Variants in KAZN observed in about 807,000 individuals in gnomAD.
The protein encoded by KAZN is kazrin.
KAZN carries 40 observed loss-of-function variants against 87.4 expected under a neutral mutation model. The observed-to-expected ratio is 0.46, with a 90% CI of 0.36 to 0.60. The LOEUF (loss-of-function observed/expected upper bound fraction) is 0.60. Ranked by LOEUF, KAZN falls within the 20% of genes least tolerant of loss-of-function variation. The pLI, the probability that KAZN is intolerant of heterozygous loss-of-function variation, is 0.00. For missense variants in KAZN, 898 were observed against 1,073.9 expected, an observed-to-expected ratio of 0.84 and a Z score of 2.29; for synonymous variants, 466 against 458.3, an observed-to-expected ratio of 1.02 and a Z score of -0.22.
At chr1:14,693,641 T>C (rs900029657) in intron 1 of KAZN, among the ~76,000 whole-genome samples, 1 of 152,028 alleles carries the variant, frequency 6.6e-6, no homozygotes, top group African/African-American at 2.4e-5. Flanking sequence ...GTGGGATGAG[T>C]GTGTGTTGTG....
chr1:14,304,358 G>A (rs1654771833), intron 2 of KAZN, among the ~76,000 whole-genome samples: 2 of 152,124 alleles, frequency 1.3e-5, no homozygotes, highest in Admixed American at 1.3e-4. Flanking sequence ...CTAAGGACCT[G>A]GTCAGGACCT....
At chr1:14,040,307 G>C (rs1386595044) in intron 1 of KAZN, among the ~76,000 whole-genome samples, 1 of 152,106 alleles carries the variant, frequency 6.6e-6, no homozygotes, top group Non-Finnish European at 1.5e-5. Context: ...GGGAGAAAAG[G>C]CCAGGCTGAA....
At chr1:14,255,119 CAAAAAA>C (rs71570191) in intron 2 of KAZN, among the ~76,000 whole-genome samples, 9 of 83,782 alleles carry the variant, frequency 1.1e-4, no homozygotes, top group South Asian at 4.8e-4. Flanking sequence ...GACTCTGTCT[CAAAAAA>C]AAAAAAAAAA....
At chr1:14,112,942 G>T (rs1044967817) in intron 1 of KAZN, among the ~76,000 whole-genome samples, 1 of 152,212 alleles carries the variant, frequency 6.6e-6, no homozygotes, top group Non-Finnish European at 1.5e-5. Flanking sequence ...CGGAAGAAAG[G>T]CAGTCTTGCC....
intron 2 of KAZN, among the ~76,000 whole-genome samples, chr1:14,356,668 T>C (rs1414999144): frequency 2.0e-5 from 3 of 152,172 alleles, no homozygotes. Flanking sequence ...CCCAACACCA[T>C]TTATTAAATA....
At chr1:14,259,526 C>T (rs544539753) in intron 2 of KAZN, among the ~76,000 whole-genome samples, 2 of 152,186 alleles carry the variant, frequency 1.3e-5, no homozygotes, top group East Asian at 1.9e-4. Context: ...AGCCTCACCC[C>T]CCAAGTGGCC....
intron 1 of KAZN, among the ~76,000 whole-genome samples, chr1:13,970,398 AT>A (rs1435008639): frequency 6.6e-6 from 1 of 152,166 alleles, no homozygotes. Context: ...TATTATTCTC[AT>A]TTTACAGGTG....
intron 2 of KAZN, among the ~76,000 whole-genome samples, chr1:14,305,430 G>T (rs573751515): frequency 2.0e-5 from 3 of 152,208 alleles, no homozygotes; most frequent in Non-Finnish European, 1.5e-5. Context: ...TTGCAAAGAG[G>T]TCTGTGACCC....
intron 1 of KAZN, among the ~76,000 whole-genome samples, chr1:14,738,578 G>A (rs932696307): frequency 6.6e-6 from 1 of 152,090 alleles, no homozygotes; most frequent in Non-Finnish European, 1.5e-5. Flanking sequence ...TCTGACCACC[G>A]GAGTTGATTG....
chr1:14,430,126 C>T (rs776059282), intron 2 of KAZN, among the ~76,000 whole-genome samples: 113 of 147,830 alleles, frequency 7.6e-4, no homozygotes, highest in Non-Finnish European at 1.6e-3. Context: ...AGAATGTGCT[C>T]AAATGTCATC....
At chr1:14,822,745 C>A (rs149678957) in intron 1 of KAZN, among the ~76,000 whole-genome samples, 10 of 152,312 alleles carry the variant, frequency 6.6e-5, no homozygotes, top group Admixed American at 2.0e-4. Context: ...TGGTCTATCC[C>A]GTCTTTCCTT....
rs114679018 is a variant in KAZN at position 14,049,657 on chromosome 1, C to T, written c.92-130778C>T. ...TTCCTTCCTTTTTTGTTCCCTTTTC[C>T]CTCCTTTTCTCCCTCTTTTCCTCTC... is the stretch of plus-strand genomic sequence containing the variant. On this transcript the variant is annotated intron_variant, in intron 1 of 16. Coordinates refer to the KAZN transcript ENST00000636203. Among the ~76,000 whole-genome samples the T allele has an allele frequency of 4.7e-3, 710 of 152,236 alleles. 4 individuals carry two copies. The highest frequency in any genetic ancestry group is 0.016 in the African/African-American group (676 of 41,528).
intron 2 of KAZN, among the ~76,000 whole-genome samples, chr1:14,555,707 A>G (rs1673821055): frequency 6.6e-6 from 1 of 152,200 alleles, no homozygotes; most frequent in Admixed American, 6.5e-5. Flanking sequence ...CTCAGCTGTA[A>G]GATACAGGAT....
chr1:14,149,747 T>A (rs1645433967), intron 1 of KAZN, among the ~76,000 whole-genome samples: 1 of 152,228 alleles, frequency 6.6e-6, no homozygotes, highest in South Asian at 2.1e-4. Flanking sequence ...TAAATAAGTA[T>A]GAGTCCATCG....
At chr1:14,233,757 G>A (rs1188420106) in intron 2 of KAZN, among the ~76,000 whole-genome samples, 8 of 152,164 alleles carry the variant, frequency 5.3e-5, no homozygotes, top group African/African-American at 1.9e-4. Context: ...TTTGTATGCA[G>A]AGCCCTTCCC....
At chr1:14,497,169 G>A (rs776060696) in intron 2 of KAZN, among the ~76,000 whole-genome samples, 3 of 151,958 alleles carry the variant, frequency 2.0e-5, no homozygotes, top group Non-Finnish European at 4.4e-5. Flanking sequence ...CTCTGATAGC[G>A]ATAAAACACC....
intron 2 of KAZN, among the ~76,000 whole-genome samples, chr1:14,538,912 C>A (rs1338268763): frequency 2.0e-5 from 3 of 152,174 alleles, no homozygotes; most frequent in African/African-American, 7.2e-5. Context: ...GTCCTGGGTG[C>A]CCCTTGCTGG....
chr1:15,060,024 G>A, intron 5 of KAZN, 148 bp from the exon 6 acceptor site: 1 of 988,412 alleles, frequency 1.0e-6, no homozygotes, highest in South Asian at 1.7e-5. Context: ...TGGAGTAGGG[G>A]GTTGGAGAAC....
chr1:14,607,490 T>G (rs530277672), intron 1 of KAZN, among the ~76,000 whole-genome samples: 2 of 152,260 alleles, frequency 1.3e-5, no homozygotes, highest in South Asian at 2.1e-4. Flanking sequence ...GTTCTAATGT[T>G]GGCATTGTGG....
Sources: allele counts gnomAD v4.1 joint callset (sites outside exome capture counted in the v4.1 genomes callset), GRCh38; gene constraint gnomAD v4.1.1; transcripts MANE v1.5; gene names NCBI Gene and HGNC (gene_info 2026-07-23, HGNC 2026-07-21).